The following BORCS5 variants were observed in gnomAD, a reference collection of about 807,000 sequenced individuals.
BORCS5 encodes BLOC-1 related complex subunit 5.
Under a neutral mutation model 22.1 loss-of-function variants are expected in BORCS5, and 17 were observed. The observed-to-expected ratio is 0.77, with a 90% CI of 0.53 to 1.15. The LOEUF is 1.15. Among genes scored for constraint, BORCS5 ranks in the 50% most tolerant of loss-of-function variants. BORCS5 has a pLI of 0.00. For synonymous variants in BORCS5, 117 were observed against 99.8 expected (o/e 1.17, Z -1.03); for missense variants, 247 against 253.2 (o/e 0.98, Z 0.17).
At chr12:12,460,818 C>T (rs1943089611) in intron 3 of BORCS5, among the ~76,000 whole-genome samples, 1 of 152,208 alleles carries the variant, frequency 6.6e-6, no homozygotes. Context: ...AAGTGTGTCT[C>T]CTTGACATAA....
Position 12,468,521 on chromosome 12 carries a change from T to TGGG in BORCS5, c.*2746_*2748dup, listed in dbSNP as rs1943237333. On this transcript the variant is annotated 3_prime_UTR_variant, in exon 4 of 4. Coordinates refer to ENST00000314565, the MANE Select transcript of BORCS5 (RefSeq NM_058169.6). ...CGCCTTCCTACAGCGTGAGCAGGTC[T>TGGG]GGGTGGGCTCTCAAGCCCCTTTCAG... 6.6e-6 allele frequency: 1 copy of TGGG among 152,276 alleles called. No individual in the cohort carries two copies. The highest frequency in any genetic ancestry group is 1.5e-5 in the Non-Finnish European group (1 of 68,068). The allele number at this position is 152,276 out of a possible 1,614,324, so 9.4% of individuals were successfully genotyped here.
At chr12:12,428,108 G>A (rs1942334646) in intron 2 of BORCS5, among the ~76,000 whole-genome samples, 1 of 152,164 alleles carries the variant, frequency 6.6e-6, no homozygotes, top group Admixed American at 6.5e-5. Context: ...AGCTCGTTAT[G>A]TGTCCCAATA....
chr12:12,358,601 TTTG>T (rs1863203112), intron 1 of BORCS5, among the ~76,000 whole-genome samples: 3 of 152,250 alleles, frequency 2.0e-5, no homozygotes, highest in Admixed American at 2.0e-4. Context: ...ATCTTTTTAA[TTTG>T]TTTTCTTGCC....
rs1422555692 is a variant in BORCS5, at chr12:12,420,356, A to G, written c.203-15272A>G. Among the ~76,000 whole-genome samples, 12 of 152,266 alleles carry G rather than the reference A, an allele frequency of 7.9e-5. No individual in the cohort carries two copies. The East Asian group carries it at 2.1e-3, about 27-fold the overall frequency. Reference sequence around the variant, plus strand: ...GGTTTGTCAAAAATCAGATGGTTGTAGATGTGTGGTGTTATTTCTGAGGGC... The same window carrying G: ...GGTTTGTCAAAAATCAGATGGTTGTGGATGTGTGGTGTTATTTCTGAGGGC... On this transcript the variant is annotated intron_variant, in intron 2 of 3. Transcript: ENST00000314565.
chr12:12,421,146 T>C (rs1942112563), intron 2 of BORCS5, among the ~76,000 whole-genome samples: 2 of 152,214 alleles, frequency 1.3e-5, no homozygotes. Context: ...AAGGGAATGC[T>C]TCCAGTTTTT....
At chr12:12,387,941 C>T (rs1043696357) in intron 2 of BORCS5, among the ~76,000 whole-genome samples, 2 of 151,314 alleles carry the variant, frequency 1.3e-5, no homozygotes, top group East Asian at 3.9e-4. Flanking sequence ...CACGACAGAA[C>T]CTAGGTCAGA....
chr12:12,414,891 C>A (rs1043932892), intron 2 of BORCS5, among the ~76,000 whole-genome samples: 1 of 148,406 alleles, frequency 6.7e-6, no homozygotes, highest in Non-Finnish European at 1.5e-5. Context: ...CCAGCAGAGG[C>A]GCTCCTCACA....
intron 2 of BORCS5, among the ~76,000 whole-genome samples, chr12:12,367,368 G>A (rs566615411): frequency 5.9e-5 from 9 of 152,270 alleles, no homozygotes; most frequent in African/African-American, 1.7e-4. Flanking sequence ...ACAAGAGAAT[G>A]GATCTTAATC....
intron 2 of BORCS5, among the ~76,000 whole-genome samples, chr12:12,405,317 A>G (rs1941571931): frequency 6.6e-6 from 1 of 152,244 alleles, no homozygotes; most frequent in South Asian, 2.1e-4. Context: ...CTCCTCAAGT[A>G]AGTTGCCAAA....
At chr12:12,382,145 A>G (rs887223382) in intron 2 of BORCS5, among the ~76,000 whole-genome samples, 3 of 151,372 alleles carry the variant, frequency 2.0e-5, no homozygotes, top group Non-Finnish European at 4.4e-5. Flanking sequence ...TAAAGAAGAG[A>G]GGTTTATTTG....
At position 12,357,291 on chromosome 12, in the gene BORCS5, C is replaced by T. The variant is rs1402028929; in HGVS notation, c.-161C>T. ...TCTCCTTCTCCCGCCGCCCAGGCCC[C>T]TGCGTGGGCTGGACGCGTCAGCCCC... On this transcript the variant is annotated 5_prime_UTR_variant, in exon 1 of 4. Coordinates refer to ENST00000314565, the MANE Select transcript of BORCS5 (RefSeq NM_058169.6). The T allele has an allele frequency of 6.2e-6, 9 of 1,455,358 alleles. No individual in the cohort carries two copies. Among genetic ancestry groups the T allele is most frequent in the Admixed American group, 2.6e-5 (1 of 38,324 alleles). The allele number at this position is 1,455,358 out of a possible 1,614,324, so 90.2% of individuals were successfully genotyped here.
At chr12:12,386,303 C>G (rs1318704453) in intron 2 of BORCS5, among the ~76,000 whole-genome samples, 1 of 147,656 alleles carries the variant, frequency 6.8e-6, no homozygotes, top group African/African-American at 2.6e-5. Flanking sequence ...GCCTGGCCCC[C>G]CATTTGCTTT....
chr12:12,369,712 CTTTT>C (rs71061052), intron 2 of BORCS5, among the ~76,000 whole-genome samples: 10 of 42,952 alleles, frequency 2.3e-4, no homozygotes, highest in African/African-American at 9.8e-4. Context: ...CCCCCCACTT[CTTTT>C]TTTTTTTTTT....
intron 2 of BORCS5, among the ~76,000 whole-genome samples, chr12:12,424,782 T>C (rs2136110013): frequency 6.6e-6 from 1 of 152,288 alleles, no homozygotes; most frequent in South Asian, 2.1e-4. Context: ...TCTCCTCAGA[T>C]CTTTTCTGAG....
At chr12:12,373,731 T>C (rs1220582344) in intron 2 of BORCS5, among the ~76,000 whole-genome samples, 1 of 152,168 alleles carries the variant, frequency 6.6e-6, no homozygotes, top group Non-Finnish European at 1.5e-5. Flanking sequence ...GTACAAAAAA[T>C]AGAAGACATA....
intron 3 of BORCS5, among the ~76,000 whole-genome samples, chr12:12,445,529 C>CTTTT (rs56356376): frequency 7.7e-5 from 3 of 39,008 alleles, no homozygotes; most frequent in African/African-American, 1.6e-4. Context: ...TTTGAAATAC[C>CTTTT]TTTTTTTTTT....
chr12:12,413,287 G>C (rs369345587), intron 2 of BORCS5, among the ~76,000 whole-genome samples: 122 of 124,052 alleles, frequency 9.8e-4, no homozygotes, highest in African/African-American at 4.0e-3. Context: ...TGACTCTTAA[G>C]GAGCATGCTG....
At chr12:12,408,937 C>A (rs569432130) in intron 2 of BORCS5, among the ~76,000 whole-genome samples, 1 of 152,166 alleles carries the variant, frequency 6.6e-6, no homozygotes, top group Non-Finnish European at 1.5e-5. Flanking sequence ...GCTTTTGATT[C>A]TTTTGGGTAT....
chr12:12,453,551 G>T (rs1158013324), intron 3 of BORCS5, among the ~76,000 whole-genome samples: 1 of 152,166 alleles, frequency 6.6e-6, no homozygotes, highest in Non-Finnish European at 1.5e-5. Context: ...GCCATCTGGG[G>T]TTCAGTGTCA....
Sources: gnomAD v4.1 joint callset for allele counts (sites outside exome capture counted in the v4.1 genomes callset) on GRCh38, gnomAD v4.1.1 for gene constraint, MANE v1.5 for transcripts, NCBI Gene and HGNC (gene_info 2026-07-23, HGNC 2026-07-21) for gene names.